ANXA2: variants seen among roughly 807,000 people sequenced by gnomAD.
The protein encoded by ANXA2 is annexin II.
In ANXA2, 28 loss-of-function variants were observed where a neutral mutation model predicts 47.3. The ratio of observed to expected loss-of-function variants is 0.59; its 90% CI spans 0.44 to 0.81. The LOEUF is 0.81. ANXA2 is among the 40% of genes least tolerant of loss of function. The pLI, the probability that ANXA2 is intolerant of heterozygous loss-of-function variation, is 0.00. For synonymous variants in ANXA2, 172 were observed against 155.5 expected, an observed-to-expected ratio of 1.11 and a Z score of -0.79; for missense variants, 384 against 414.3, an observed-to-expected ratio of 0.93 and a Z score of 0.64.
rs547637598 is a variant in ANXA2 at position 60,347,592 on chromosome 15, G to C, written c.*38C>G. On this transcript the variant is annotated 3_prime_UTR_variant, in exon 13 of 13. Transcript: ENST00000451270. Reference sequence around the variant, plus strand: ...TCTAGACCTGTTAGCTGGAAGCATGGTGAGCACCATTTCTGGACGCTCAGG... The same window carrying C: ...TCTAGACCTGTTAGCTGGAAGCATGCTGAGCACCATTTCTGGACGCTCAGG... 3 of 1,603,752 alleles carry C rather than the reference G, an allele frequency of 1.9e-6. No homozygotes were observed. Among genetic ancestry groups the C allele is most frequent in the Non-Finnish European group, 2.6e-6 (3 of 1,170,680 alleles).
rs550221564 is a variant in ANXA2, at chr15:60,360,763, AC to A, written c.357+177del. ...CATGAAATTTCTTTACAGTCTTAAA[AC>A]AAGTAATTGAAATATTTTTGGTACA... On this transcript the variant is annotated intron_variant, in intron 5 of 12. Transcript: ENST00000451270. 2.0e-5 allele frequency among the ~76,000 whole-genome samples: 3 copies of A among 152,362 alleles called. No homozygotes were observed. The East Asian group carries it at 5.8e-4, about 29-fold the overall frequency.
chr15:60,348,968 G>C (rs1895857169), intron 12 of ANXA2, 107 bp downstream of exon 12: 2 of 1,339,654 alleles, frequency 1.5e-6, no homozygotes, highest in Non-Finnish European at 1.0e-6. Flanking sequence ...TCCCCAGAGA[G>C]TCAGAAAACA....
intron 7 of ANXA2, among the ~76,000 whole-genome samples, chr15:60,354,639 AAAGAAAGAAAAG>A (rs1470969273): frequency 7.1e-6 from 1 of 140,268 alleles, no homozygotes; most frequent in African/African-American, 2.7e-5. Flanking sequence ...AAAAAAAAAG[AAAGAAAGAAAAG>A]AAAAAGAAAA....
At chr15:60,361,353 C>G (rs1341884215) in intron 4 of ANXA2, 2 of 352,868 alleles carry the variant, frequency 5.7e-6, no homozygotes, top group African/African-American at 2.1e-5. Context: ...AGAGTGCAGG[C>G]ACTTTGCAAT....
intron 1 of ANXA2, among the ~76,000 whole-genome samples, chr15:60,395,340 A>G (rs2063068157): frequency 6.6e-6 from 1 of 152,158 alleles, no homozygotes; most frequent in Non-Finnish European, 1.5e-5. Flanking sequence ...GGAACACAGT[A>G]GGTAATTAAT....
intron 3 of ANXA2, among the ~76,000 whole-genome samples, chr15:60,367,247 G>T (rs1423548096): frequency 1.6e-5 from 2 of 121,636 alleles, no homozygotes; most frequent in East Asian, 2.7e-4. Flanking sequence ...CCGGCCAGCC[G>T]CCCCGTCCGG....
intron 10 of ANXA2, 58 bp from the exon 11 acceptor site, chr15:60,351,309 TGA>T: frequency 1.3e-6 from 2 of 1,546,170 alleles, no homozygotes; most frequent in South Asian, 2.2e-5. Flanking sequence ...CCTCTACCAA[TGA>T]GAGAGGATGC....
intron 3 of ANXA2, among the ~76,000 whole-genome samples, chr15:60,366,047 C>T (rs1188671304): frequency 1.5e-5 from 2 of 135,606 alleles, no homozygotes. Context: ...GACGGGGTTT[C>T]GCTGTGTTGG....
chr15:60,349,679 T>C (rs1351059755), intron 11 of ANXA2, among the ~76,000 whole-genome samples: 1 of 149,864 alleles, frequency 6.7e-6, no homozygotes, highest in Non-Finnish European at 1.5e-5. Flanking sequence ...ACACTACTTG[T>C]TTCCCAAAAA....
In ANXA2 at chr15:60,347,535, G is replaced by C. The variant is rs1566926414; in HGVS notation, c.*95C>G. 1.6e-6 allele frequency: 2 copies of C among 1,235,622 alleles called. No individual in the cohort carries two copies. Among genetic ancestry groups the C allele is most frequent in the East Asian group, 4.7e-5 (2 of 42,670 alleles). 76.5% of individuals were successfully genotyped at this position (1,235,622 alleles called of 1,614,324 possible). A position where few individuals can be genotyped will look rare whatever the true frequency, so the allele number is the denominator to read the frequency against. On this transcript the variant is annotated 3_prime_UTR_variant, in exon 13 of 13. Transcript: ENST00000451270. ...ATGCTAACGTCACCCTCACAGGGAT[G>C]GCCACGGGGACTGTTATTCGCAAGC...
chr15:60,359,080 A>AT lies in ANXA2; in HGVS notation c.358-1845dup, dbSNP rs971312517. Among the ~76,000 whole-genome samples, 16 of 151,898 alleles carry AT rather than the reference A, an allele frequency of 1.1e-4. No individual in the cohort carries two copies. The South Asian group carries it at 2.3e-3, about 22-fold the overall frequency. On this transcript the variant is annotated intron_variant, in intron 5 of 12. Transcript: ENST00000451270. ...CCGGTACTGCCAGAAGTCAAAACAG[A>AT]TTTTTTTTTAAGCATAGTTCAGTTA... is the stretch of plus-strand genomic sequence containing the variant.
rs116205056 is a variant in ANXA2 at position 60,361,130 on chromosome 15, G to C, written c.244-76C>G. The C allele has an allele frequency of 2.7e-3, 2,768 of 1,021,104 alleles. 38 individuals are homozygous for C. The African/African-American group carries it at 0.035, about 13-fold the overall frequency. 63.3% of individuals were successfully genotyped at this position (1,021,104 alleles called of 1,614,324 possible). On this transcript the variant is annotated intron_variant, in intron 4 of 12. Coordinates refer to ENST00000451270, the MANE Select transcript of ANXA2 (RefSeq NM_004039.3). ...TAGTGAGTAAAACAAAAGTAAGAGG[G>C]ATCTTTTTGTGAAGCAGGTTGTGAG... is the stretch of plus-strand genomic sequence containing the variant.
At chr15:60,376,430 G>A (rs1179923963) in intron 3 of ANXA2, among the ~76,000 whole-genome samples, 1 of 152,070 alleles carries the variant, frequency 6.6e-6, no homozygotes. Flanking sequence ...CAGCTCACAG[G>A]AGAGGGGTGA....
chr15:60,356,213 G>A (rs1595667211), intron 6 of ANXA2, among the ~76,000 whole-genome samples: 1 of 152,160 alleles, frequency 6.6e-6, no homozygotes, highest in Admixed American at 6.5e-5. Context: ...ACAGGGGGCA[G>A]CAGGGCTAGA....
intron 3 of ANXA2, among the ~76,000 whole-genome samples, chr15:60,373,032 C>G (rs2062730836): frequency 6.6e-6 from 1 of 152,154 alleles, no homozygotes; most frequent in Non-Finnish European, 1.5e-5. Context: ...TCTGAACCAG[C>G]CTTACCTCAG....
chr15:60,397,605 C>CGCGTCTGGA (rs1468527413), intron 1 of ANXA2, among the ~76,000 whole-genome samples: 1 of 152,152 alleles, frequency 6.6e-6, no homozygotes, highest in Non-Finnish European at 1.5e-5. Context: ...CGGCGCCTGG[C>CGCGTCTGGA]GCGTCTGGAA....
At chr15:60,350,995 T>C (rs936790982) in intron 11 of ANXA2, among the ~76,000 whole-genome samples, 198 bp downstream of exon 11, 8 of 152,194 alleles carry the variant, frequency 5.3e-5, no homozygotes, top group Admixed American at 5.2e-4. Flanking sequence ...CGCAAATACA[T>C]GTTCAAGCAG....
chr15:60,354,957 T>A (rs181887491), intron 7 of ANXA2, among the ~76,000 whole-genome samples: 182 of 151,700 alleles, frequency 1.2e-3, no homozygotes, highest in African/African-American at 3.5e-3. Context: ...CAGCAAAGAG[T>A]GTGAACGATG....
intron 1 of ANXA2, chr15:60,393,358 T>G (rs912593944): frequency 1.0e-6 from 1 of 999,816 alleles, no homozygotes. Flanking sequence ...CTTTCAGGGT[T>G]GGGAAATCCA....
Sources: allele counts gnomAD v4.1 joint callset (sites outside exome capture counted in the v4.1 genomes callset), GRCh38; gene constraint gnomAD v4.1.1; transcripts MANE v1.5; gene names NCBI Gene and HGNC (gene_info 2026-07-23, HGNC 2026-07-21).